RASA2: variants seen among roughly 807,000 people sequenced by gnomAD.
RASA2 encodes RAS p21 protein activator 2.
Under a neutral mutation model 118.2 loss-of-function variants are expected in RASA2, and 155 were observed. The observed-to-expected ratio is 1.31, with a 90% CI of 1.15 to 1.50. The LOEUF (loss-of-function observed/expected upper bound fraction) is 1.50, where lower values mean the gene tolerates loss of function less well. Among genes scored for constraint, RASA2 ranks in the 40% most tolerant of loss-of-function variants. The pLI is 0.00. For synonymous variants in RASA2, 353 were observed against 349.1 expected, an observed-to-expected ratio of 1.01 and a Z score of -0.12; for missense variants, 1,016 against 1,009.6, an observed-to-expected ratio of 1.01 and a Z score of -0.09.
At chr3:141,530,232 C>T (rs922082001) in intron 4 of RASA2, among the ~76,000 whole-genome samples, 2 of 152,080 alleles carry the variant, frequency 1.3e-5, no homozygotes, top group Non-Finnish European at 2.9e-5. Context: ...TTAAACCCTG[C>T]CTGAGCCCAC....
chr3:141,599,119 AAAG>A (rs1243782478), intron 19 of RASA2, among the ~76,000 whole-genome samples: 1 of 152,060 alleles, frequency 6.6e-6, no homozygotes, highest in African/African-American at 2.4e-5. Flanking sequence ...AAATTTAACC[AAAG>A]AAGTACAACA....
intron 14 of RASA2, among the ~76,000 whole-genome samples, chr3:141,574,289 A>C (rs1347918366): frequency 2.0e-5 from 3 of 152,022 alleles, no homozygotes; most frequent in African/African-American, 4.8e-5. Flanking sequence ...TCCCGGGTTC[A>C]TGCCATTCTC....
At chr3:141,604,382 T>C (rs1332183938) in intron 19 of RASA2, among the ~76,000 whole-genome samples, 1 of 152,200 alleles carries the variant, frequency 6.6e-6, no homozygotes, top group Non-Finnish European at 1.5e-5. Flanking sequence ...TATTTTTACT[T>C]TTTAAATTGT....
At chr3:141,520,161 C>T (rs1418166634) in intron 3 of RASA2, among the ~76,000 whole-genome samples, 2 of 151,706 alleles carry the variant, frequency 1.3e-5, no homozygotes, top group Admixed American at 6.6e-5. Flanking sequence ...TACAGGCATG[C>T]AACACCACAC....
intron 1 of RASA2, among the ~76,000 whole-genome samples, chr3:141,510,158 A>T (rs2081930096): frequency 6.6e-6 from 1 of 152,184 alleles, no homozygotes; most frequent in South Asian, 2.1e-4. Context: ...ACTTGAGTTT[A>T]TCTAGTCCAA....
intron 17 of RASA2, among the ~76,000 whole-genome samples, chr3:141,582,371 G>T (rs1027390625): frequency 6.6e-6 from 1 of 152,172 alleles, no homozygotes; most frequent in African/African-American, 2.4e-5. Context: ...AGAAAAAGCT[G>T]CCCTTTTATT....
intron 19 of RASA2, among the ~76,000 whole-genome samples, chr3:141,599,204 G>A (rs1204546015): frequency 6.8e-6 from 1 of 148,148 alleles, no homozygotes; most frequent in Non-Finnish European, 1.5e-5. Flanking sequence ...GACATGTCAT[G>A]TTTGTGGATT....
Position 141,487,191 on chromosome 3 carries a change from GT to G in RASA2, c.110del (p.Leu37CysfsTer23). ...GDQDSREVRV[L>X]QSLRGKICEA... ...ACCAGGACAGTCGCGAGGTTCGAGT[GT>G]TGCAGAGCCTGCGGGGCAAGATCTG... On this transcript the variant is annotated frameshift_variant, in exon 1 of 24. Transcript: ENST00000286364. LOFTEE classifies it high-confidence loss of function. 1 of 1,457,352 alleles carries G rather than the reference GT, an allele frequency of 6.9e-7. No individual in the cohort carries two copies. The highest frequency in any genetic ancestry group is 1.3e-5 in the South Asian group (1 of 74,102). The allele number at this position is 1,457,352 out of a possible 1,614,324, so 90.3% of individuals were successfully genotyped here.
intron 5 of RASA2, among the ~76,000 whole-genome samples, chr3:141,541,129 A>G (rs2082399247): frequency 6.6e-6 from 1 of 151,640 alleles, no homozygotes; most frequent in Non-Finnish European, 1.5e-5. Flanking sequence ...TCCCCTCCAA[A>G]CCCTTACTCT....
At chr3:141,603,909 A>C (rs1349851269) in intron 19 of RASA2, among the ~76,000 whole-genome samples, 1 of 152,222 alleles carries the variant, frequency 6.6e-6, no homozygotes, top group African/African-American at 2.4e-5. Flanking sequence ...TTGTAGCATG[A>C]ATCAGTACTT....
intron 4 of RASA2, 33 bp from the exon 5 acceptor site, chr3:141,540,500 A>ACT: frequency 1.3e-6 from 2 of 1,530,778 alleles, no homozygotes; most frequent in Non-Finnish European, 1.8e-6. Context: ...AGTAAAATAG[A>ACT]CTACTCAGTT....
chr3:141,545,842 A>G (rs999585259), intron 5 of RASA2, among the ~76,000 whole-genome samples: 1 of 151,902 alleles, frequency 6.6e-6, no homozygotes, highest in African/African-American at 2.4e-5. Flanking sequence ...ATATCTAACT[A>G]TATTTTTGTA....
intron 1 of RASA2, among the ~76,000 whole-genome samples, chr3:141,509,112 C>G (rs1445805833): frequency 6.6e-6 from 1 of 152,178 alleles, no homozygotes; most frequent in East Asian, 1.9e-4. Flanking sequence ...CAGTATCTGA[C>G]TTAACATATT....
chr3:141,528,579 A>G (rs1189856367), intron 3 of RASA2, among the ~76,000 whole-genome samples: 3 of 151,890 alleles, frequency 2.0e-5, no homozygotes, highest in African/African-American at 4.8e-5. Flanking sequence ...GGTGAATTAA[A>G]ATATTTTTTA....
chr3:141,494,461 C>T (rs1013174187), intron 1 of RASA2, among the ~76,000 whole-genome samples: 25 of 152,174 alleles, frequency 1.6e-4, no homozygotes, highest in African/African-American at 5.3e-4. Context: ...CTCCGCCTCC[C>T]GGGTTCAAGC....
chr3:141,521,118 A>G (rs562631285), intron 3 of RASA2, among the ~76,000 whole-genome samples: 156 of 152,370 alleles, frequency 1.0e-3, no homozygotes, highest in Non-Finnish European at 2.1e-3. Flanking sequence ...CTTAGTGGAC[A>G]TGTTGGTTGA....
intron 19 of RASA2, among the ~76,000 whole-genome samples, chr3:141,596,454 G>A (rs935378983): frequency 6.6e-6 from 1 of 152,152 alleles, no homozygotes; most frequent in Non-Finnish European, 1.5e-5. Flanking sequence ...ATAACTAAAT[G>A]TATGGTCTAT....
At chr3:141,583,296 G>GT (rs1194683779) in intron 17 of RASA2, among the ~76,000 whole-genome samples, 3 of 151,958 alleles carry the variant, frequency 2.0e-5, no homozygotes, top group African/African-American at 7.2e-5. Flanking sequence ...CTGGTGGCAC[G>GT]TGCCTGTAAT....
chr3:141,550,415 A>C (rs1049545933), intron 5 of RASA2, among the ~76,000 whole-genome samples: 3 of 152,220 alleles, frequency 2.0e-5, no homozygotes, highest in Non-Finnish European at 4.4e-5. Flanking sequence ...GAACTGTCTC[A>C]GGATGGAGAG....
Sources: allele counts gnomAD v4.1 joint callset (sites outside exome capture counted in the v4.1 genomes callset), GRCh38; gene constraint gnomAD v4.1.1; transcripts MANE v1.5; gene names NCBI Gene and HGNC (gene_info 2026-07-23, HGNC 2026-07-21).